The following KCNQ5 variants were observed in gnomAD, a reference collection of about 807,000 sequenced individuals.
The protein encoded by KCNQ5 is potassium voltage-gated channel subfamily Q member 5.
In KCNQ5, 30 loss-of-function variants were observed where a neutral mutation model predicts 98.2. That is an observed-to-expected ratio of 0.31 (90% confidence interval 0.23 to 0.41). KCNQ5 has a LOEUF of 0.41. KCNQ5 is among the 10% of genes least tolerant of loss of function. KCNQ5 has a pLI of 1.00. For missense variants in KCNQ5, 835 were observed against 1,182.5 expected (o/e 0.71, Z 4.31); for synonymous variants, 458 against 449.4 (o/e 1.02, Z -0.24).
At chr6:73,115,177 A>T (rs374872898) in intron 7 of KCNQ5, among the ~76,000 whole-genome samples, 1 of 152,096 alleles carries the variant, frequency 6.6e-6, no homozygotes, top group African/African-American at 2.4e-5. Flanking sequence ...AAAATCTTAG[A>T]TGTGAAAAAC....
At chr6:72,857,602 A>G (rs573797787) in intron 1 of KCNQ5, among the ~76,000 whole-genome samples, 17 of 152,340 alleles carry the variant, frequency 1.1e-4, no homozygotes, top group African/African-American at 4.1e-4. Context: ...TTAGAATGTA[A>G]GTGAGCATCT....
chr6:73,075,083 T>G (rs1773471992), intron 3 of KCNQ5, among the ~76,000 whole-genome samples: 1 of 152,202 alleles, frequency 6.6e-6, no homozygotes, highest in African/African-American at 2.4e-5. Flanking sequence ...GTTTTTTTAA[T>G]TGCAAAGACA....
intron 1 of KCNQ5, among the ~76,000 whole-genome samples, chr6:72,692,989 G>C (rs1317366160): frequency 6.6e-6 from 1 of 152,112 alleles, no homozygotes. Flanking sequence ...TTTATTTTCT[G>C]TAAATTGTTG....
intron 1 of KCNQ5, among the ~76,000 whole-genome samples, chr6:72,859,365 T>G (rs146072405): frequency 5.3e-5 from 8 of 152,322 alleles, no homozygotes; most frequent in African/African-American, 1.9e-4. Flanking sequence ...ATTTAATGAA[T>G]CATCTTCCAA....
chr6:72,751,840 G>A (rs546088459), intron 1 of KCNQ5, among the ~76,000 whole-genome samples: 4 of 152,172 alleles, frequency 2.6e-5, no homozygotes, highest in South Asian at 2.1e-4. Flanking sequence ...AATGATAAAT[G>A]ATGGTCAGAA....
intron 1 of KCNQ5, among the ~76,000 whole-genome samples, chr6:73,001,757 A>G (rs1769580471): frequency 6.6e-6 from 1 of 152,194 alleles, no homozygotes; most frequent in Non-Finnish European, 1.5e-5. Flanking sequence ...AGGTAGGTGC[A>G]CTGGATTTTG....
At chr6:72,889,196 A>G (rs1186767357) in intron 1 of KCNQ5, among the ~76,000 whole-genome samples, 1 of 152,198 alleles carries the variant, frequency 6.6e-6, no homozygotes, top group African/African-American at 2.4e-5. Context: ...TATCGAATGA[A>G]CAGTATTCCA....
intron 2 of KCNQ5, among the ~76,000 whole-genome samples, chr6:73,036,342 C>T (rs1582233047): frequency 1.4e-5 from 2 of 141,566 alleles, no homozygotes; most frequent in East Asian, 4.2e-4. Flanking sequence ...GCCGAGATCG[C>T]ACCACTGCAC....
chr6:73,074,348 T>C (rs1025625689), intron 3 of KCNQ5, among the ~76,000 whole-genome samples: 2 of 152,228 alleles, frequency 1.3e-5, no homozygotes, highest in African/African-American at 4.8e-5. Context: ...AGAAACATTT[T>C]TGTGACTGCA....
intron 1 of KCNQ5, among the ~76,000 whole-genome samples, chr6:72,636,274 C>T (rs2098924072): frequency 6.6e-6 from 1 of 152,042 alleles, no homozygotes; most frequent in Non-Finnish European, 1.5e-5. Context: ...CTGTTATAAT[C>T]ATTAGGAGTT....
At chr6:72,742,676 T>C (rs1771192613) in intron 1 of KCNQ5, among the ~76,000 whole-genome samples, 1 of 152,216 alleles carries the variant, frequency 6.6e-6, no homozygotes, top group Admixed American at 6.5e-5. Flanking sequence ...ATATATTTAT[T>C]AAAAACCCTG....
chr6:73,053,542 C>T (rs1772337251), intron 3 of KCNQ5, among the ~76,000 whole-genome samples: 1 of 152,042 alleles, frequency 6.6e-6, no homozygotes, highest in Non-Finnish European at 1.5e-5. Flanking sequence ...ACCACACTCT[C>T]AGACTACAGT....
At chr6:72,892,996 G>A (rs1779115353) in intron 1 of KCNQ5, among the ~76,000 whole-genome samples, 1 of 152,104 alleles carries the variant, frequency 6.6e-6, no homozygotes, top group African/African-American at 2.4e-5. Context: ...GGAAGAGGCG[G>A]CCATGTTCAT....
intron 10 of KCNQ5, among the ~76,000 whole-genome samples, chr6:73,142,076 G>A (rs958821955): frequency 2.0e-5 from 3 of 152,178 alleles, no homozygotes; most frequent in Non-Finnish European, 4.4e-5. Context: ...TCACACCCTA[G>A]GTTGCCTGAA....
chr6:72,761,034 G>T (rs763004335), intron 1 of KCNQ5, among the ~76,000 whole-genome samples: 5 of 152,004 alleles, frequency 3.3e-5, no homozygotes, highest in Non-Finnish European at 7.4e-5. Context: ...TTTGGGTGGT[G>T]TCTTATTTGG....
chr6:72,632,126 C>A (rs1230021419), intron 1 of KCNQ5, among the ~76,000 whole-genome samples: 1 of 115,292 alleles, frequency 8.7e-6, no homozygotes, highest in Non-Finnish European at 2.0e-5. Context: ...TAGATTTTTT[C>A]TTTCTTTCTT....
At chr6:73,185,757 G>A (rs911508322) in intron 11 of KCNQ5, among the ~76,000 whole-genome samples, 3 of 152,188 alleles carry the variant, frequency 2.0e-5, no homozygotes, top group Non-Finnish European at 2.9e-5. Context: ...AAGGACTTTA[G>A]GAGGGAGGTA....
chr6:72,911,979 G>C (rs113152253), intron 1 of KCNQ5, among the ~76,000 whole-genome samples: 1 of 152,128 alleles, frequency 6.6e-6, no homozygotes, highest in African/African-American at 2.4e-5. Flanking sequence ...CCCTTTGGCA[G>C]TGCACATTTC....
At chr6:72,714,545 CA>C (rs1305582407) in intron 1 of KCNQ5, among the ~76,000 whole-genome samples, 1 of 151,934 alleles carries the variant, frequency 6.6e-6, no homozygotes, top group East Asian at 1.9e-4. Flanking sequence ...GGCTTAGGAA[CA>C]GTTGCTTATA....
Sources: allele counts gnomAD v4.1 joint callset (sites outside exome capture counted in the v4.1 genomes callset), GRCh38; gene constraint gnomAD v4.1.1; transcripts MANE v1.5; gene names NCBI Gene and HGNC (gene_info 2026-07-23, HGNC 2026-07-21).